NEK11: variants seen among roughly 807,000 people sequenced by gnomAD.
The protein encoded by NEK11 is NIMA related kinase 11.
NEK11 carries 72 observed loss-of-function variants against 80.7 expected under a neutral mutation model. That is an observed-to-expected ratio of 0.89 (90% CI 0.74 to 1.08). NEK11 has a LOEUF of 1.08. Among genes scored for constraint, NEK11 ranks in the 50% least tolerant of loss-of-function variants. The pLI is 0.00. For missense variants in NEK11, 764 were observed against 763.6 expected, an observed-to-expected ratio of 1.00 and a Z score of -0.01; for synonymous variants, 251 against 260.7, an observed-to-expected ratio of 0.96 and a Z score of 0.36.
chr3:131,262,061 G>T (rs1302977324), intron 16 of NEK11, among the ~76,000 whole-genome samples: 2 of 151,894 alleles, frequency 1.3e-5, no homozygotes, highest in East Asian at 3.9e-4. Context: ...TAAAAGAGAA[G>T]ATTCAAATTA....
intron 4 of NEK11, among the ~76,000 whole-genome samples, chr3:131,080,832 A>G (rs193220884): frequency 9.8e-5 from 15 of 152,288 alleles, no homozygotes; most frequent in Admixed American, 7.2e-4. Context: ...GGTGGAGGCC[A>G]GGTGTGGTGG....
chr3:131,223,655 C>T lies in NEK11; in HGVS notation c.1400-4873C>T, dbSNP rs144634183. On this transcript the variant is annotated intron_variant, in intron 14 of 17. Coordinates refer to ENST00000383366, the MANE Select transcript of NEK11 (RefSeq NM_024800.5). ...AGTTGGGTAGTTGTGACAGAGACCA[C>T]GTAATCTGCAAAGCCTAAAATTGTT... Among the ~76,000 whole-genome samples, 298 of 152,308 alleles carry T rather than the reference C, an allele frequency of 2.0e-3. 1 individual carries two copies. Among genetic ancestry groups the T allele is most frequent in the African/African-American group, 6.3e-3 (261 of 41,552 alleles).
intron 16 of NEK11, among the ~76,000 whole-genome samples, chr3:131,252,812 A>G (rs574634130): frequency 3.9e-5 from 6 of 152,312 alleles, no homozygotes; most frequent in African/African-American, 1.4e-4. Flanking sequence ...CTATGGCTTT[A>G]TAATCTTTAA....
At chr3:131,228,463 C>G in intron 14 of NEK11, 65 bp from the exon 15 acceptor site, 2 of 1,367,804 alleles carry the variant, frequency 1.5e-6, no homozygotes, top group Non-Finnish European at 2.0e-6. Context: ...TGAAAAGATA[C>G]AGTATTCTTA....
At chr3:131,047,417 G>T (rs1214974366) in intron 3 of NEK11, among the ~76,000 whole-genome samples, 1 of 152,194 alleles carries the variant, frequency 6.6e-6, no homozygotes, top group East Asian at 1.9e-4. Flanking sequence ...TCAGAGAAAT[G>T]ATCTGGGGCT....
chr3:131,264,887 C>T (rs1007987945), intron 16 of NEK11, among the ~76,000 whole-genome samples: 6 of 152,128 alleles, frequency 3.9e-5, no homozygotes, highest in Admixed American at 1.3e-4. Context: ...TCTTTTATTT[C>T]ATTGAACAGT....
At chr3:131,165,329 G>A (rs1019203088) in intron 11 of NEK11, 97 bp from the exon 12 acceptor site, 1 of 749,826 alleles carries the variant, frequency 1.3e-6, no homozygotes, top group Non-Finnish European at 2.3e-6. Context: ...TAATCCCCCA[G>A]TCAGTCTGTT....
At chr3:131,258,207 G>T (rs1211756332) in intron 16 of NEK11, among the ~76,000 whole-genome samples, 1 of 151,938 alleles carries the variant, frequency 6.6e-6, no homozygotes, top group Non-Finnish European at 1.5e-5. Context: ...TACACATGGG[G>T]CACAGTACAC....
At chr3:131,054,786 AAATAAATG>A (rs1486929656) in intron 3 of NEK11, among the ~76,000 whole-genome samples, 3,205 of 143,048 alleles carry the variant, frequency 0.022, 102 homozygotes, top group African/African-American at 0.074. Context: ...ATAAATAAAT[AAATAAATG>A]AATGAATGTA....
At chr3:131,182,148 A>G (rs1219711556) in intron 14 of NEK11, among the ~76,000 whole-genome samples, 1 of 151,858 alleles carries the variant, frequency 6.6e-6, no homozygotes, top group Non-Finnish European at 1.5e-5. Context: ...CAGAAAAAAA[A>G]AAAAAGAAAA....
intron 17 of NEK11, among the ~76,000 whole-genome samples, chr3:131,337,208 A>T (rs1357007126): frequency 6.6e-6 from 1 of 151,004 alleles, no homozygotes; most frequent in Non-Finnish European, 1.5e-5. Flanking sequence ...AAGACTTGGA[A>T]CCCACTCAAA....
intron 7 of NEK11, among the ~76,000 whole-genome samples, chr3:131,138,301 G>A (rs1466105238): frequency 6.6e-6 from 1 of 152,210 alleles, no homozygotes; most frequent in African/African-American, 2.4e-5. Context: ...TAGTGGTGGT[G>A]GCCATGGGGT....
intron 17 of NEK11, among the ~76,000 whole-genome samples, chr3:131,342,423 CAT>C (rs1315683640): frequency 6.6e-6 from 1 of 152,192 alleles, no homozygotes; most frequent in Non-Finnish European, 1.5e-5. Flanking sequence ...TCCACAAAAT[CAT>C]TTTCAGGGTT....
At chr3:131,210,796 C>T (rs1001306064) in intron 14 of NEK11, among the ~76,000 whole-genome samples, 13 of 152,086 alleles carry the variant, frequency 8.5e-5, no homozygotes, top group African/African-American at 2.7e-4. Flanking sequence ...AGATTGCAAT[C>T]GCTGCTTTTT....
chr3:131,145,907 G>T (rs142867472), intron 7 of NEK11, among the ~76,000 whole-genome samples: 12 of 152,162 alleles, frequency 7.9e-5, no homozygotes, highest in Admixed American at 4.6e-4. Context: ...ATAGAAGAGG[G>T]CCTGGCTCAT....
intron 17 of NEK11, among the ~76,000 whole-genome samples, chr3:131,299,889 A>C (rs2109148131): frequency 6.6e-6 from 1 of 152,316 alleles, no homozygotes; most frequent in Non-Finnish European, 1.5e-5. Flanking sequence ...TTGGATACAT[A>C]CCCAATAATG....
In NEK11 at chr3:131,273,556, A is replaced by C; in HGVS notation, c.1700A>C (p.Lys567Thr). The C allele has an allele frequency of 6.2e-7, 1 of 1,613,860 alleles. No homozygotes were observed. The highest frequency in any genetic ancestry group is 1.1e-5 in the South Asian group (1 of 91,078). The change falls in exon 17 of 18, where the codon AAG becomes ACG. Residue 567 changes from lysine (K) to threonine (T), a missense_variant. By Grantham distance (78) the Lys-to-Thr change is moderately conservative. Coordinates refer to ENST00000383366, the MANE Select transcript of NEK11 (RefSeq NM_024800.5). ...TTCAACAGTGTGATGGCCAGGACCAAGATGAAACGCATGAGGGAGTAAGTA... is the reference window on the plus strand; with the variant it reads ...TTCAACAGTGTGATGGCCAGGACCACGATGAAACGCATGAGGGAGTAAGTA... The part of the protein sequence containing the change: ...PIFNSVMART[K>T]MKRMRESAMQ...
At chr3:131,337,802 C>T (rs1308159372) in intron 17 of NEK11, among the ~76,000 whole-genome samples, 1 of 152,118 alleles carries the variant, frequency 6.6e-6, no homozygotes, top group African/African-American at 2.4e-5. Flanking sequence ...AACCCCCCCT[C>T]CATGTAGTGC....
chr3:131,164,452 GC>G (rs1275720600), intron 11 of NEK11, among the ~76,000 whole-genome samples: 1 of 152,148 alleles, frequency 6.6e-6, no homozygotes, highest in Non-Finnish European at 1.5e-5. Flanking sequence ...TCAGCTCACA[GC>G]CCCAAATCTG....
Sources: allele counts gnomAD v4.1 joint callset (sites outside exome capture counted in the v4.1 genomes callset), GRCh38; gene constraint gnomAD v4.1.1; transcripts MANE v1.5; gene names NCBI Gene and HGNC (gene_info 2026-07-23, HGNC 2026-07-21).